The following CLVS1 variants were observed in gnomAD, a reference collection of about 807,000 sequenced individuals.
CLVS1 encodes the protein clavesin-1.
CLVS1 carries 10 observed loss-of-function variants against 33.1 expected under a neutral mutation model. That is an observed-to-expected ratio of 0.30 (90% CI 0.19 to 0.51). CLVS1 has a LOEUF of 0.51. Among genes scored for constraint, CLVS1 ranks in the 20% least tolerant of loss-of-function variants. CLVS1 has a pLI of 0.97. For synonymous variants in CLVS1, 163 were observed against 166.1 expected, an observed-to-expected ratio of 0.98 and a Z score of 0.14; for missense variants, 343 against 433.4, an observed-to-expected ratio of 0.79 and a Z score of 1.85.
intron 1 of CLVS1, among the ~76,000 whole-genome samples, chr8:61,105,190 T>C (rs1278843165): frequency 6.6e-6 from 1 of 152,242 alleles, no homozygotes; most frequent in Admixed American, 6.5e-5. Context: ...TAGACTTTCT[T>C]AAAGTAGTGT....
intron 1 of CLVS1, among the ~76,000 whole-genome samples, chr8:61,111,316 CAAGATG>C (rs1805624749): frequency 6.6e-6 from 1 of 152,036 alleles, no homozygotes. Flanking sequence ...ATTGCAAAAA[CAAGATG>C]GTCTTCTTCC....
the CLVS1 span, among the ~76,000 whole-genome samples, chr8:60,994,883 G>A: frequency 6.6e-6 from 1 of 151,868 alleles, no homozygotes; most frequent in Non-Finnish European, 1.5e-5. Flanking sequence ...TCTGATCTTT[G>A]ACAAACCTGA....
chr8:61,380,597 T>C (rs1413660603), intron 3 of CLVS1, among the ~76,000 whole-genome samples: 1 of 152,182 alleles, frequency 6.6e-6, no homozygotes, highest in African/African-American at 2.4e-5. Context: ...CATATACTCC[T>C]GCTGGGCTGT....
At chr8:61,346,915 G>T (rs867369196) in intron 2 of CLVS1, among the ~76,000 whole-genome samples, 2 of 152,200 alleles carry the variant, frequency 1.3e-5, no homozygotes, top group African/African-American at 4.8e-5. Flanking sequence ...AAAGAGCAAG[G>T]GTTGTTCTGG....
At chr8:61,372,977 T>G (rs1047916607) in intron 2 of CLVS1, among the ~76,000 whole-genome samples, 52 of 152,334 alleles carry the variant, frequency 3.4e-4, no homozygotes, top group African/African-American at 1.2e-3. Flanking sequence ...GTAACTCTTC[T>G]TCCTCTTTCT....
the CLVS1 span, among the ~76,000 whole-genome samples, chr8:61,038,798 G>A: frequency 6.6e-6 from 1 of 152,176 alleles, no homozygotes; most frequent in Non-Finnish European, 1.5e-5. Context: ...CTCAGCGCAT[G>A]TGAACCGAAG....
chr8:61,320,962 TTAAAAA>T (rs1811174560), intron 2 of CLVS1, among the ~76,000 whole-genome samples: 2 of 152,198 alleles, frequency 1.3e-5, no homozygotes, highest in South Asian at 4.1e-4. Flanking sequence ...TTCTATTAAC[TTAAAAA>T]TAAAAGTGAT....
chr8:61,074,696 C>T (rs1033366244), intron 1 of CLVS1, among the ~76,000 whole-genome samples: 2 of 151,840 alleles, frequency 1.3e-5, no homozygotes, highest in African/African-American at 2.4e-5. Context: ...TCTGTTTTAC[C>T]TCAGCTTTCC....
the CLVS1 span, among the ~76,000 whole-genome samples, chr8:61,023,832 T>A: frequency 6.6e-6 from 1 of 152,080 alleles, no homozygotes; most frequent in Non-Finnish European, 1.5e-5. Context: ...GCTCACAGCT[T>A]CTTTGGTCTC....
At chr8:61,338,598 A>AT (rs1270450451) in intron 2 of CLVS1, among the ~76,000 whole-genome samples, 1 of 152,206 alleles carries the variant, frequency 6.6e-6, no homozygotes, top group Non-Finnish European at 1.5e-5. Flanking sequence ...CGCAGCACAC[A>AT]TTTTTGGGTT....
At chr8:61,343,433 G>T (rs1250760776) in intron 2 of CLVS1, among the ~76,000 whole-genome samples, 5 of 152,186 alleles carry the variant, frequency 3.3e-5, no homozygotes, top group African/African-American at 1.2e-4. Context: ...GTGGGACGTT[G>T]TTGCAATGGT....
At chr8:61,027,878 C>G in the CLVS1 span, among the ~76,000 whole-genome samples, 1 of 152,202 alleles carries the variant, frequency 6.6e-6, no homozygotes, top group South Asian at 2.1e-4. Flanking sequence ...AAGGTAATCT[C>G]ATTCTAATGT....
At chr8:61,456,609 TGTAA>T (rs975948055) in intron 4 of CLVS1, among the ~76,000 whole-genome samples, 1 of 152,128 alleles carries the variant, frequency 6.6e-6, no homozygotes, top group African/African-American at 2.4e-5. Context: ...AGGTCCTCTA[TGTAA>T]GTATTTTAAA....
chr8:61,328,779 A>G (rs1811481428), intron 2 of CLVS1, among the ~76,000 whole-genome samples: 2 of 152,132 alleles, frequency 1.3e-5, no homozygotes, highest in Non-Finnish European at 2.9e-5. Context: ...CTGGAAGCAA[A>G]GATTTGTCTT....
At chr8:61,180,195 G>T (rs906624133) in intron 2 of CLVS1, among the ~76,000 whole-genome samples, 1 of 152,116 alleles carries the variant, frequency 6.6e-6, no homozygotes, top group African/African-American at 2.4e-5. Context: ...ACTGCCATCA[G>T]AGAATACTAT....
chr8:61,440,406 A>G (rs929624521), intron 3 of CLVS1, among the ~76,000 whole-genome samples: 10 of 152,234 alleles, frequency 6.6e-5, no homozygotes, highest in African/African-American at 2.2e-4. Context: ...AGACTTTAAA[A>G]TGTTATTAGA....
chr8:61,061,259 C>T (rs1208228939), intron 1 of CLVS1, among the ~76,000 whole-genome samples: 1 of 152,106 alleles, frequency 6.6e-6, no homozygotes, highest in African/African-American at 2.4e-5. Context: ...CCAATGCCAG[C>T]TTGACACCTT....
the CLVS1 span, among the ~76,000 whole-genome samples, chr8:61,038,370 A>T: frequency 6.6e-6 from 1 of 151,642 alleles, no homozygotes; most frequent in Non-Finnish European, 1.5e-5. Flanking sequence ...AATATGGAGC[A>T]TCACTCAGAC....
intron 2 of CLVS1, 181 bp downstream of exon 2, chr8:61,300,463 G>C: frequency 1.7e-6 from 1 of 572,948 alleles, no homozygotes; most frequent in Non-Finnish European, 3.1e-6. Flanking sequence ...TGGAACAATA[G>C]AATTGTAACA....
Sources: allele counts gnomAD v4.1 joint callset (sites outside exome capture counted in the v4.1 genomes callset), GRCh38; gene constraint gnomAD v4.1.1; transcripts MANE v1.5; gene names NCBI Gene and HGNC (gene_info 2026-07-23, HGNC 2026-07-21).